Variants in SLC35F3 observed in about 807,000 individuals in gnomAD.
The protein encoded by SLC35F3 is putative thiamine transporter SLC35F3.
SLC35F3 carries 25 observed loss-of-function variants against 49.9 expected under a neutral mutation model. The ratio of observed to expected loss-of-function variants is 0.50; its 90% CI spans 0.37 to 0.70. The LOEUF is 0.70. Among genes scored for constraint, SLC35F3 ranks in the 30% least tolerant of loss-of-function variants. The probability of loss-of-function intolerance (pLI) is 0.00; values close to 1 mark genes in which losing one functional copy is unlikely to be tolerated. For missense variants in SLC35F3, 525 were observed against 639.8 expected (o/e 0.82, Z 1.94); for synonymous variants, 275 against 265.4 (o/e 1.04, Z -0.35).
At chr1:233,934,502 A>C (rs1193191429) in intron 2 of SLC35F3, among the ~76,000 whole-genome samples, 1 of 152,212 alleles carries the variant, frequency 6.6e-6, no homozygotes, top group Non-Finnish European at 1.5e-5. Context: ...TGTTTTACAA[A>C]TTACCATTAG....
At chr1:234,220,293 G>GGTGT (rs139133246) in intron 2 of SLC35F3, among the ~76,000 whole-genome samples, 49 of 151,098 alleles carry the variant, frequency 3.2e-4, no homozygotes, top group Admixed American at 4.6e-4. Flanking sequence ...TCATTTCAGG[G>GGTGT]GTGTGTGTGT....
chr1:234,047,697 A>T (rs543317487), intron 2 of SLC35F3, among the ~76,000 whole-genome samples: 1 of 137,446 alleles, frequency 7.3e-6, no homozygotes, highest in South Asian at 2.1e-4. Flanking sequence ...ACACACATAC[A>T]TACACACACA....
rs199579768 is a variant in SLC35F3 at position 234,133,906 on chromosome 1, CAG to C, written c.284-97508_284-97507del. Among the ~76,000 whole-genome samples, 682 of 152,286 alleles carry C rather than the reference CAG, an allele frequency of 4.5e-3. 9 individuals carry two copies. The highest frequency in any genetic ancestry group is 0.015 in the African/African-American group (627 of 41,550). On this transcript the variant is annotated intron_variant, in intron 2 of 7. Coordinates refer to ENST00000366618, the MANE Select transcript of SLC35F3 (RefSeq NM_173508.4). The stretch of plus-strand genomic sequence containing the variant: ...TGTTCTAAGTAAACCCTGGGAGACA[CAG>C]AGTCTTTGGTCTAATGGAAGAGGTG...
chr1:234,123,367 T>C (rs1665603357), intron 2 of SLC35F3, among the ~76,000 whole-genome samples: 1 of 152,196 alleles, frequency 6.6e-6, no homozygotes, highest in South Asian at 2.1e-4. Flanking sequence ...GTAGCACAAA[T>C]AGTATTGTGC....
In SLC35F3 at chr1:234,054,163, A is replaced by G. The variant is rs556702704; in HGVS notation, c.283+148405A>G. On this transcript the variant is annotated intron_variant, in intron 2 of 7. Transcript: ENST00000366618. ...GGAGTATCTTTGTGGCATTCTCTGTATTTCCTGAATTTGAATGTTGGCCTG... is the reference window on the plus strand; with the variant it reads ...GGAGTATCTTTGTGGCATTCTCTGTGTTTCCTGAATTTGAATGTTGGCCTG... Among the ~76,000 whole-genome samples the G allele has an allele frequency of 2.0e-5, 3 of 152,144 alleles. No homozygotes were observed. The South Asian group carries it at 6.2e-4, about 32-fold the overall frequency.
chr1:233,970,826 G>T (rs1367434876), intron 2 of SLC35F3, among the ~76,000 whole-genome samples: 1 of 152,214 alleles, frequency 6.6e-6, no homozygotes, highest in Admixed American at 6.5e-5. Flanking sequence ...CCAGCCTCCA[G>T]CAGTGTGAGA....
intron 2 of SLC35F3, among the ~76,000 whole-genome samples, chr1:233,981,000 CAT>C (rs1430888546): frequency 5.3e-5 from 8 of 152,188 alleles, no homozygotes; most frequent in African/African-American, 1.9e-4. Context: ...AACTCACACA[CAT>C]GGGAAGTGTC....
intron 2 of SLC35F3, among the ~76,000 whole-genome samples, chr1:233,973,976 A>G (rs1663034657): frequency 6.6e-6 from 1 of 152,118 alleles, no homozygotes; most frequent in South Asian, 2.1e-4. Flanking sequence ...TAATACCTTC[A>G]TACTGATTTT....
intron 3 of SLC35F3, among the ~76,000 whole-genome samples, chr1:234,298,114 G>C (rs973510180): frequency 4.6e-5 from 7 of 152,066 alleles, no homozygotes; most frequent in Non-Finnish European, 8.8e-5. Context: ...GCCTTTTTTA[G>C]GTCAATCATA....
At chr1:234,070,364 C>G (rs887118258) in intron 2 of SLC35F3, among the ~76,000 whole-genome samples, 1 of 152,206 alleles carries the variant, frequency 6.6e-6, no homozygotes, top group African/African-American at 2.4e-5. Context: ...AAATAGAAAA[C>G]ATGGTTTTTA....
intron 2 of SLC35F3, among the ~76,000 whole-genome samples, chr1:233,954,250 C>T (rs1177081764): frequency 6.6e-6 from 1 of 152,192 alleles, no homozygotes; most frequent in East Asian, 1.9e-4. Flanking sequence ...TCGTGATCCG[C>T]CCACCTTGCC....
intron 2 of SLC35F3, among the ~76,000 whole-genome samples, chr1:234,140,084 G>T (rs1215693337): frequency 6.6e-6 from 1 of 151,996 alleles, no homozygotes; most frequent in Non-Finnish European, 1.5e-5. Context: ...CTAATGGGCA[G>T]GTAGTGTATA....
intron 3 of SLC35F3, among the ~76,000 whole-genome samples, chr1:234,280,014 A>G (rs1668297779): frequency 6.6e-6 from 1 of 152,224 alleles, no homozygotes; most frequent in Non-Finnish European, 1.5e-5. Flanking sequence ...AACCTGGCTC[A>G]TTAAGTGACT....
At chr1:233,935,228 A>G (rs1194809921) in intron 2 of SLC35F3, among the ~76,000 whole-genome samples, 2 of 94,558 alleles carry the variant, frequency 2.1e-5, no homozygotes, top group Non-Finnish European at 4.0e-5. Context: ...GCATACCTGA[A>G]AATACATGAT....
intron 2 of SLC35F3, among the ~76,000 whole-genome samples, chr1:234,032,283 C>T (rs1009564072): frequency 2.0e-5 from 3 of 151,978 alleles, no homozygotes; most frequent in African/African-American, 7.3e-5. Flanking sequence ...TCAAATTCAC[C>T]ATTGAACTTG....
intron 7 of SLC35F3, among the ~76,000 whole-genome samples, chr1:234,322,476 G>T (rs866740655): frequency 6.6e-6 from 1 of 152,126 alleles, no homozygotes; most frequent in South Asian, 2.1e-4. Flanking sequence ...TTGTTAAGTG[G>T]AAGTGGGCCA....
chr1:234,139,999 T>TAA (rs1299007462), intron 2 of SLC35F3, among the ~76,000 whole-genome samples: 1 of 110,004 alleles, frequency 9.1e-6, no homozygotes, highest in South Asian at 2.7e-4. Context: ...TAAAATAAAA[T>TAA]AAAGTAAGTG....
At chr1:233,969,065 G>GGT (rs1662949433) in intron 2 of SLC35F3, among the ~76,000 whole-genome samples, 1 of 150,252 alleles carries the variant, frequency 6.7e-6, no homozygotes, top group African/African-American at 2.5e-5. Context: ...TATTTTGGGG[G>GGT]GGGGGACACA....
chr1:234,254,793 G>A (rs1667791785), intron 3 of SLC35F3, among the ~76,000 whole-genome samples: 1 of 152,154 alleles, frequency 6.6e-6, no homozygotes, highest in Admixed American at 6.5e-5. Flanking sequence ...AATAAACAAA[G>A]GTGTTGCTAG....
Sources: gnomAD v4.1 joint callset for allele counts (sites outside exome capture counted in the v4.1 genomes callset) on GRCh38, gnomAD v4.1.1 for gene constraint, MANE v1.5 for transcripts, NCBI Gene and HGNC (gene_info 2026-07-23, HGNC 2026-07-21) for gene names.